BMPR1B: variants seen among roughly 807,000 people sequenced by gnomAD.
BMPR1B encodes the protein bone morphogenetic protein receptor type 1B, also known as bone morphogenetic protein receptor type-1B.
In BMPR1B, 12 loss-of-function variants were observed where a neutral mutation model predicts 59.1. The ratio of observed to expected loss-of-function variants is 0.20; its 90% CI spans 0.13 to 0.33. The LOEUF is 0.33. Among genes scored for constraint, BMPR1B ranks in the 10% least tolerant of loss-of-function variants. The probability of loss-of-function intolerance (pLI) is 1.00; values close to 1 mark genes in which losing one functional copy is unlikely to be tolerated. For synonymous variants in BMPR1B, 237 were observed against 207.3 expected (o/e 1.14, Z -1.23); for missense variants, 550 against 610.9 (o/e 0.90, Z 1.05).
chr4:94,989,648 G>C (rs1456934899), intron 2 of BMPR1B, among the ~76,000 whole-genome samples: 6 of 152,062 alleles, frequency 3.9e-5, no homozygotes, highest in African/African-American at 1.2e-4. Context: ...CTTACTAAAA[G>C]TTCTATTGAA....
intron 1 of BMPR1B, among the ~76,000 whole-genome samples, chr4:94,801,252 TCA>T (rs1324170990): frequency 1.3e-5 from 2 of 152,192 alleles, no homozygotes; most frequent in Non-Finnish European, 2.9e-5. Flanking sequence ...TGACAGATCA[TCA>T]CCCTGGTGGT....
At chr4:94,851,563 T>G (rs1005827165) in intron 1 of BMPR1B, among the ~76,000 whole-genome samples, 12 of 152,130 alleles carry the variant, frequency 7.9e-5, no homozygotes, top group African/African-American at 2.4e-4. Flanking sequence ...ACTTTTAGTC[T>G]ATAATAATTT....
chr4:95,131,077 A>T, intron 9 of BMPR1B, 138 bp from the exon 10 acceptor site: 1 of 886,662 alleles, frequency 1.1e-6, no homozygotes, highest in Non-Finnish European at 1.7e-6. Flanking sequence ...GTCATTTAAT[A>T]CCATCATAGG....
At chr4:95,031,669 A>G (rs1724866559) in intron 3 of BMPR1B, among the ~76,000 whole-genome samples, 1 of 152,166 alleles carries the variant, frequency 6.6e-6, no homozygotes, top group South Asian at 2.1e-4. Flanking sequence ...AACGTGGATC[A>G]TGGGGATAGG....
At chr4:95,059,504 G>A (rs1727185819) in intron 3 of BMPR1B, among the ~76,000 whole-genome samples, 1 of 151,928 alleles carries the variant, frequency 6.6e-6, no homozygotes, top group Admixed American at 6.6e-5. Flanking sequence ...TCTTTCAATG[G>A]GGGAATTTCT....
At chr4:94,906,394 G>A (rs1023389047) in intron 2 of BMPR1B, among the ~76,000 whole-genome samples, 8 of 151,976 alleles carry the variant, frequency 5.3e-5, no homozygotes, top group South Asian at 2.1e-4. Flanking sequence ...ACATTTATTC[G>A]TGTCTTATAT....
At chr4:94,771,585 C>G (rs1333282567) in intron 1 of BMPR1B, among the ~76,000 whole-genome samples, 2 of 152,116 alleles carry the variant, frequency 1.3e-5, no homozygotes, top group African/African-American at 2.4e-5. Flanking sequence ...TAAAGAGAGA[C>G]AGTGTTTAAA....
intron 2 of BMPR1B, among the ~76,000 whole-genome samples, chr4:94,971,779 T>C (rs1730801694): frequency 6.6e-6 from 1 of 151,994 alleles, no homozygotes; most frequent in Admixed American, 6.6e-5. Context: ...GACCATGAAA[T>C]TGGAAGTTTG....
chr4:94,989,601 T>G (rs891661609), intron 2 of BMPR1B, among the ~76,000 whole-genome samples: 3 of 152,214 alleles, frequency 2.0e-5, no homozygotes, highest in African/African-American at 7.2e-5. Flanking sequence ...TAGCACATTT[T>G]CTTTGCAATT....
intron 2 of BMPR1B, among the ~76,000 whole-genome samples, chr4:94,982,661 C>T (rs141835987): frequency 6.6e-6 from 1 of 152,144 alleles, no homozygotes; most frequent in Non-Finnish European, 1.5e-5. Flanking sequence ...GCCACCATCT[C>T]CTTATTTGAC....
intron 2 of BMPR1B, among the ~76,000 whole-genome samples, chr4:94,936,909 A>AT (rs1433721761): frequency 2.6e-5 from 4 of 151,734 alleles, no homozygotes; most frequent in East Asian, 1.9e-4. Context: ...ACATCTGTTC[A>AT]TTTTTTTCCC....
chr4:95,099,854 A>G (rs890196701), intron 3 of BMPR1B, among the ~76,000 whole-genome samples: 1 of 152,042 alleles, frequency 6.6e-6, no homozygotes, highest in African/African-American at 2.4e-5. Flanking sequence ...GGATTTAGTT[A>G]TTTTTTCTCA....
intron 8 of BMPR1B, among the ~76,000 whole-genome samples, chr4:95,127,031 G>T (rs967783276): frequency 1.1e-5 from 1 of 89,154 alleles, no homozygotes; most frequent in Non-Finnish European, 2.8e-5. Flanking sequence ...TAGGGCTGTT[G>T]TAAGAATTAA....
At chr4:94,959,966 CAAAGT>C (rs1394015115) in intron 2 of BMPR1B, among the ~76,000 whole-genome samples, 3 of 152,074 alleles carry the variant, frequency 2.0e-5, no homozygotes, top group Non-Finnish European at 4.4e-5. Flanking sequence ...TTTTCAGTGT[CAAAGT>C]AAAGGCATAA....
At chr4:95,035,480 T>A (rs778492074) in intron 3 of BMPR1B, among the ~76,000 whole-genome samples, 2 of 152,248 alleles carry the variant, frequency 1.3e-5, no homozygotes, top group South Asian at 4.1e-4. Flanking sequence ...AGGATCCAGC[T>A]TCATTCTTCT....
intron 1 of BMPR1B, among the ~76,000 whole-genome samples, chr4:94,821,976 T>G (rs538372863): frequency 8.5e-5 from 13 of 152,292 alleles, no homozygotes; most frequent in African/African-American, 2.6e-4. Flanking sequence ...TTTTGGTGAT[T>G]GTTTATAGTC....
Position 95,154,529 on chromosome 4 carries a change from T to C in BMPR1B, c.1384-19T>C. Reference sequence around the variant, plus strand: ...CAGCCTTGCAGATGATACATTTTTCTAACATTTCTCTTCCTCAGTGTCTAA... The same window carrying C: ...CAGCCTTGCAGATGATACATTTTTCCAACATTTCTCTTCCTCAGTGTCTAA... On this transcript the variant is annotated intron_variant, in intron 12 of 12. Coordinates refer to ENST00000515059, the MANE Select transcript of BMPR1B (RefSeq NM_001203.3). 1.2e-6 allele frequency: 2 copies of C among 1,614,058 alleles called. No individual in the cohort carries two copies. The highest frequency in any genetic ancestry group is 8.5e-7 in the Non-Finnish European group (1 of 1,179,918).
chr4:94,888,048 A>G (rs1158552835), intron 2 of BMPR1B, among the ~76,000 whole-genome samples: 3 of 152,088 alleles, frequency 2.0e-5, no homozygotes, highest in Admixed American at 6.6e-5. Context: ...TTGAAAACCA[A>G]TATTCAATAC....
intron 9 of BMPR1B, 50 bp downstream of exon 9, chr4:95,130,104 G>C: frequency 6.3e-7 from 1 of 1,589,070 alleles, no homozygotes; most frequent in Non-Finnish European, 8.6e-7. Flanking sequence ...GCTTTCCTCT[G>C]TCTTTCTGTT....
Sources: allele counts gnomAD v4.1 joint callset (sites outside exome capture counted in the v4.1 genomes callset), GRCh38; gene constraint gnomAD v4.1.1; transcripts MANE v1.5; gene names NCBI Gene and HGNC (gene_info 2026-07-23, HGNC 2026-07-21).